CSMD3: variants seen among roughly 807,000 people sequenced by gnomAD.
CSMD3 encodes CUB and Sushi multiple domains 3.
Under a neutral mutation model 435.2 loss-of-function variants are expected in CSMD3, and 177 were observed. That is an observed-to-expected ratio of 0.41 (90% CI 0.36 to 0.46). The LOEUF is 0.46. CSMD3 is among the 20% of genes least tolerant of loss of function. The probability of loss-of-function intolerance (pLI) is 0.34; values close to 1 mark genes in which losing one functional copy is unlikely to be tolerated. For synonymous variants in CSMD3, 1,656 were observed against 1,520.5 expected (o/e 1.09, Z -2.07); for missense variants, 4,265 against 4,504.6 (o/e 0.95, Z 1.52).
intron 9 of CSMD3, among the ~76,000 whole-genome samples, chr8:112,938,680 G>A (rs1227131129): frequency 6.6e-6 from 1 of 152,082 alleles, no homozygotes; most frequent in East Asian, 1.9e-4. Context: ...CACACCACAC[G>A]ACTGAAGTGA....
At chr8:112,421,015 C>T (rs536319895) in intron 32 of CSMD3, among the ~76,000 whole-genome samples, 8 of 152,262 alleles carry the variant, frequency 5.3e-5, no homozygotes, top group Non-Finnish European at 1.0e-4. Flanking sequence ...TTACTAAGGG[C>T]TCTTTCATTG....
In CSMD3 at chr8:112,785,715, T is replaced by C. The variant is rs952196757; in HGVS notation, c.1972+14447A>G. 2.0e-4 allele frequency among the ~76,000 whole-genome samples: 31 copies of C among 151,964 alleles called. 1 individual carries two copies. The highest frequency in any genetic ancestry group is 6.6e-4 in the Admixed American group (10 of 15,216). On this transcript the variant is annotated intron_variant, in intron 13 of 70. Coordinates refer to ENST00000297405, the MANE Select transcript of CSMD3 (RefSeq NM_198123.2). ...ACAAATAAAATAAAATACCTAGGAATAAATTTAATCAAAGAAGTGAAAGAT... is the reference window on the plus strand; with the variant it reads ...ACAAATAAAATAAAATACCTAGGAACAAATTTAATCAAAGAAGTGAAAGAT...
intron 1 of CSMD3, among the ~76,000 whole-genome samples, chr8:113,318,477 A>G (rs1038891620): frequency 6.6e-6 from 1 of 152,052 alleles, no homozygotes; most frequent in Non-Finnish European, 1.5e-5. Context: ...CCTTACTACA[A>G]TACAATTTCA....
chr8:113,024,374 G>C (rs1308536063), intron 5 of CSMD3, among the ~76,000 whole-genome samples: 1 of 151,290 alleles, frequency 6.6e-6, no homozygotes, highest in Non-Finnish European at 1.5e-5. Context: ...TGGACACTTA[G>C]AGTCGATTAC....
chr8:113,338,778 T>G (rs780246538), intron 1 of CSMD3, among the ~76,000 whole-genome samples: 9 of 151,930 alleles, frequency 5.9e-5, no homozygotes, highest in Non-Finnish European at 8.8e-5. Context: ...TTCTTTAGAA[T>G]AATGTTCTTA....
At position 112,656,358 on chromosome 8, in the gene CSMD3, CAT is replaced by C; in HGVS notation, c.2817-19_2817-18del. ...GTCTGAAATCTAAGATTAAAAGACACATGTGAAAATATATTTAGAATTAACAC... is the reference window on the plus strand; with the variant it reads ...GTCTGAAATCTAAGATTAAAAGACACGTGAAAATATATTTAGAATTAACAC... On this transcript the variant is annotated intron_variant, in intron 17 of 70. Coordinates refer to ENST00000297405, the MANE Select transcript of CSMD3 (RefSeq NM_198123.2). 1 of 1,585,104 alleles carries C rather than the reference CAT, an allele frequency of 6.3e-7. No homozygotes were observed. The highest frequency in any genetic ancestry group is 8.7e-7 in the Non-Finnish European group (1 of 1,154,822).
At chr8:113,007,238 T>C (rs2086091878) in intron 6 of CSMD3, among the ~76,000 whole-genome samples, 2 of 151,990 alleles carry the variant, frequency 1.3e-5, no homozygotes, top group African/African-American at 4.8e-5. Context: ...TGAAACTGTA[T>C]TTCTAGTTGT....
At chr8:112,445,019 G>A (rs1815439205) in intron 32 of CSMD3, among the ~76,000 whole-genome samples, 2 of 152,144 alleles carry the variant, frequency 1.3e-5, no homozygotes, top group Admixed American at 1.3e-4. Context: ...GAAGGGGGCA[G>A]ATCACTTGAG....
intron 10 of CSMD3, among the ~76,000 whole-genome samples, chr8:112,910,808 C>T (rs1170556756): frequency 6.6e-6 from 1 of 151,884 alleles, no homozygotes; most frequent in East Asian, 1.9e-4. Context: ...CATTATTTCT[C>T]AATTATTAGC....
At chr8:112,445,522 T>C (rs1815505209) in intron 32 of CSMD3, among the ~76,000 whole-genome samples, 1 of 152,020 alleles carries the variant, frequency 6.6e-6, no homozygotes, top group Non-Finnish European at 1.5e-5. Context: ...GGTGCCACAT[T>C]CTTTTAGACA....
chr8:112,242,987 G>A (rs1163992173), intron 65 of CSMD3, among the ~76,000 whole-genome samples: 1 of 152,056 alleles, frequency 6.6e-6, no homozygotes, highest in Admixed American at 6.6e-5. Context: ...AGGAAATGGA[G>A]AATGGATACT....
chr8:112,483,420 T>C (rs1819819673), intron 31 of CSMD3, among the ~76,000 whole-genome samples: 1 of 152,090 alleles, frequency 6.6e-6, no homozygotes, highest in Non-Finnish European at 1.5e-5. Flanking sequence ...GAGGCAGAGA[T>C]TCCAGTGAGC....
At chr8:113,306,275 A>G (rs2093820584) in intron 2 of CSMD3, among the ~76,000 whole-genome samples, 1 of 152,184 alleles carries the variant, frequency 6.6e-6, no homozygotes, top group South Asian at 2.1e-4. Flanking sequence ...TTATTATATA[A>G]GAGAGAGAAT....
At chr8:112,288,744 G>A (rs990004881) in intron 57 of CSMD3, among the ~76,000 whole-genome samples, 1 of 151,748 alleles carries the variant, frequency 6.6e-6, no homozygotes, top group Non-Finnish European at 1.5e-5. Flanking sequence ...TCTCAGAAAA[G>A]ATTTACCAAA....
chr8:113,125,856 T>G lies in CSMD3; in HGVS notation c.710-26893A>C, dbSNP rs540161873. 3.9e-5 allele frequency among the ~76,000 whole-genome samples: 6 copies of G among 151,980 alleles called. No homozygotes were observed. The South Asian group carries it at 1.2e-3, about 32-fold the overall frequency. On this transcript the variant is annotated intron_variant, in intron 4 of 70. Transcript: ENST00000297405. ...GGAGTTATGGAACAAAGAAACTTCT[T>G]TGAACACTTTATTAAAGAATAACAC... is the stretch of plus-strand genomic sequence containing the variant.
At chr8:113,336,512 T>C (rs2132814352) in intron 1 of CSMD3, among the ~76,000 whole-genome samples, 1 of 152,228 alleles carries the variant, frequency 6.6e-6, no homozygotes. Context: ...ATCAGGATAT[T>C]TTCATATTAT....
chr8:112,804,275 G>C (rs1210218201), intron 12 of CSMD3, among the ~76,000 whole-genome samples: 6 of 152,006 alleles, frequency 3.9e-5, no homozygotes, highest in Non-Finnish European at 2.9e-5. Flanking sequence ...TCAAATGTTA[G>C]CAGCAGTTAC....
intron 32 of CSMD3, among the ~76,000 whole-genome samples, chr8:112,459,430 C>A (rs1415346975): frequency 6.6e-6 from 1 of 151,282 alleles, no homozygotes; most frequent in Non-Finnish European, 1.5e-5. Flanking sequence ...GACGTGGGTA[C>A]AGAAGAGTCA....
intron 4 of CSMD3, among the ~76,000 whole-genome samples, chr8:113,157,447 TTTTC>T (rs1381513547): frequency 7.5e-6 from 1 of 133,220 alleles, no homozygotes; most frequent in Non-Finnish European, 1.8e-5. Flanking sequence ...CCTTTTTCTT[TTTTC>T]TTTTTGATTT....
Sources: gnomAD v4.1 joint callset for allele counts (sites outside exome capture counted in the v4.1 genomes callset) on GRCh38, gnomAD v4.1.1 for gene constraint, MANE v1.5 for transcripts, NCBI Gene and HGNC (gene_info 2026-07-23, HGNC 2026-07-21) for gene names.